Variants in ST7 observed in about 807,000 individuals in gnomAD.
ST7 encodes suppression of tumorigenicity 7.
Under a neutral mutation model 78.7 loss-of-function variants are expected in ST7, and 28 were observed. The ratio of observed to expected loss-of-function variants is 0.36; its 90% CI spans 0.26 to 0.49. ST7 has a LOEUF of 0.49. Among genes scored for constraint, ST7 ranks in the 20% least tolerant of loss-of-function variants. ST7 has a pLI of 0.99. For missense variants in ST7, 418 were observed against 696.0 expected, an observed-to-expected ratio of 0.60 and a Z score of 4.49; for synonymous variants, 247 against 249.6, an observed-to-expected ratio of 0.99 and a Z score of 0.10.
chr7:117,056,972 T>C (rs1798095178), intron 1 of ST7, among the ~76,000 whole-genome samples: 1 of 152,174 alleles, frequency 6.6e-6, no homozygotes, highest in African/African-American at 2.4e-5. Flanking sequence ...TCTTGGTGTA[T>C]TGAAGGGTCC....
intron 1 of ST7, chr7:116,972,472 G>T: frequency 3.6e-6 from 3 of 833,632 alleles, no homozygotes; most frequent in South Asian, 1.5e-5. Flanking sequence ...TGCCAGCTCA[G>T]TTTGTTCCTC....
chr7:117,099,045 G>A (rs3757813), intron 1 of ST7, among the ~76,000 whole-genome samples: 13 of 16,074 alleles, frequency 8.1e-4, no homozygotes, highest in East Asian at 6.4e-3. Flanking sequence ...ACTCACTTTC[G>A]CAAAAAAAAA....
intron 10 of ST7, among the ~76,000 whole-genome samples, chr7:117,171,946 C>CTTTTTTTTT (rs35780344): frequency 7.5e-6 from 1 of 132,900 alleles, no homozygotes; most frequent in Non-Finnish European, 1.7e-5. Context: ...CCATTTGGGT[C>CTTTTTTTTT]TTTTTTTTTT....
chr7:117,112,346 T>C (rs1802501852), intron 2 of ST7: 1 of 152,222 alleles, frequency 6.6e-6, no homozygotes, highest in Non-Finnish European at 1.5e-5. Context: ...TGTACTATAT[T>C]AAGCACTTTG....
chr7:116,953,808 C>G (rs901512884), intron 1 of ST7, 117 bp downstream of exon 1: 42 of 669,188 alleles, frequency 6.3e-5, no homozygotes, highest in African/African-American at 2.0e-5. Context: ...GGCCCGCGCA[C>G]CGGAGGCCCG....
At chr7:117,185,711 G>T (rs924115353) in intron 10 of ST7, among the ~76,000 whole-genome samples, 1 of 152,132 alleles carries the variant, frequency 6.6e-6, no homozygotes, top group Non-Finnish European at 1.5e-5. Flanking sequence ...GGATCACGAG[G>T]TTGGAGTTCA....
intron 1 of ST7, among the ~76,000 whole-genome samples, chr7:117,031,846 C>CTA (rs1563027117): frequency 7.7e-5 from 5 of 65,330 alleles, no homozygotes; most frequent in African/African-American, 3.3e-4. Flanking sequence ...ATATCTATAT[C>CTA]TATATCTATA....
rs748766535 is a variant in ST7 at position 117,229,838 on chromosome 7, A to G, written c.1715A>G (p.His572Arg). The change falls in exon 16 of 16, where the codon CAC becomes CGC. Residue 572 changes from histidine (H) to arginine (R), a missense_variant. Physicochemically the swap from His to Arg is conservative, Grantham distance 29. Coordinates refer to ENST00000323984, the MANE Select transcript of ST7 (RefSeq NM_001369598.1). The part of the protein sequence containing the change: ...VESILPSSLW[H>R]QLTRI ...AGCATCCTCCCATCCAGTCTGTGGCACCAGCTAACACGGATCTGAGAGAAG... is the reference window on the plus strand; with the variant it reads ...AGCATCCTCCCATCCAGTCTGTGGCGCCAGCTAACACGGATCTGAGAGAAG... The G allele has an allele frequency of 1.2e-6, 2 of 1,614,002 alleles. No homozygotes were observed. Among genetic ancestry groups the G allele is most frequent in the African/African-American group, 1.3e-5 (1 of 74,910 alleles).
At chr7:117,083,501 T>C (rs1421318373) in intron 1 of ST7, among the ~76,000 whole-genome samples, 3 of 152,026 alleles carry the variant, frequency 2.0e-5, no homozygotes, top group Non-Finnish European at 4.4e-5. Context: ...TCTGGTAATC[T>C]GCCCACCTCA....
chr7:117,198,285 C>T (rs1208776156), intron 12 of ST7: 5 of 455,452 alleles, frequency 1.1e-5, no homozygotes, highest in African/African-American at 8.0e-5. Flanking sequence ...GTTATCTCTT[C>T]CTTTTTACCT....
At chr7:117,033,707 A>G (rs1418673940) in intron 1 of ST7, among the ~76,000 whole-genome samples, 3 of 152,172 alleles carry the variant, frequency 2.0e-5, no homozygotes, top group African/African-American at 7.2e-5. Context: ...TACAGGCGTG[A>G]GCCAGCACGC....
intron 9 of ST7, among the ~76,000 whole-genome samples, chr7:117,160,348 C>T (rs557437250): frequency 6.8e-4 from 104 of 152,066 alleles, no homozygotes; most frequent in African/African-American, 2.5e-3. Context: ...TAATGACTCC[C>T]TATGTGTCTG....
rs950764332 is a variant in ST7, at chr7:117,009,296, A to G, written c.151+55605A>G. On this transcript the variant is annotated intron_variant, in intron 1 of 15. Transcript: ENST00000323984. ...GTTTTTGGCCTCTGGGACAACCCAC[A>G]CTAGTCCATTCATGACTATTTTTTA... 3.0e-5 allele frequency among the ~76,000 whole-genome samples: 4 copies of G among 132,972 alleles called. 1 individual carries two copies. The highest frequency in any genetic ancestry group is 1.1e-4 in the African/African-American group (4 of 35,494). The allele number at this position is 132,972 out of a possible 152,430, so 87.2% of individuals were successfully genotyped here. A position where few individuals can be genotyped will look rare whatever the true frequency, so the allele number is the denominator to read the frequency against.
At chr7:117,192,739 T>C (rs915403033) in intron 12 of ST7, among the ~76,000 whole-genome samples, 6 of 152,170 alleles carry the variant, frequency 3.9e-5, no homozygotes, top group Admixed American at 6.5e-5. Flanking sequence ...AGTAGTCATT[T>C]AATGCTAAAA....
At chr7:116,971,922 A>G (rs749865011) in intron 1 of ST7, among the ~76,000 whole-genome samples, 5 of 152,232 alleles carry the variant, frequency 3.3e-5, no homozygotes, top group African/African-American at 1.2e-4. Context: ...GACATTATGC[A>G]TTGTGCTCAC....
At chr7:117,151,037 A>G (rs1394387572) in intron 9 of ST7, among the ~76,000 whole-genome samples, 6 of 152,180 alleles carry the variant, frequency 3.9e-5, no homozygotes, top group African/African-American at 7.2e-5. Flanking sequence ...ACTTCTTCCA[A>G]CAGCACTGCT....
intron 9 of ST7, among the ~76,000 whole-genome samples, chr7:117,139,988 T>C (rs1355549274): frequency 6.6e-6 from 1 of 152,086 alleles, no homozygotes; most frequent in Non-Finnish European, 1.5e-5. Flanking sequence ...TTAAACAGAG[T>C]TTTCTTAACT....
intron 14 of ST7, among the ~76,000 whole-genome samples, chr7:117,220,547 A>G (rs1414891540): frequency 2.0e-5 from 3 of 152,226 alleles, no homozygotes; most frequent in Admixed American, 2.0e-4. Context: ...GGGATAGATT[A>G]GTTATTAGAA....
At chr7:117,121,760 G>A (rs893932980) in intron 3 of ST7, among the ~76,000 whole-genome samples, 2 of 152,016 alleles carry the variant, frequency 1.3e-5, no homozygotes, top group Non-Finnish European at 2.9e-5. Context: ...ATGGGGATAA[G>A]AACTTTGCCT....
Sources: gnomAD v4.1 joint callset for allele counts (sites outside exome capture counted in the v4.1 genomes callset) on GRCh38, gnomAD v4.1.1 for gene constraint, MANE v1.5 for transcripts, NCBI Gene and HGNC (gene_info 2026-07-23, HGNC 2026-07-21) for gene names.